FSTL5: variants seen among roughly 807,000 people sequenced by gnomAD.
FSTL5 encodes follistatin like 5.
A neutral mutation model predicts 89.1 loss-of-function variants in FSTL5; 62 were observed. The observed-to-expected ratio is 0.70, with a 90% confidence interval of 0.57 to 0.86. The LOEUF is 0.86. Among genes scored for constraint, FSTL5 ranks in the 40% least tolerant of loss-of-function variants. The pLI is 0.00. For missense variants in FSTL5, 1,057 were observed against 1,001.6 expected (o/e 1.06, Z -0.75); for synonymous variants, 383 against 346.2 (o/e 1.11, Z -1.18).
chr4:161,386,523 G>A, intron 15 of FSTL5, 74 bp from the exon 16 acceptor site: 5 of 1,015,842 alleles, frequency 4.9e-6, no homozygotes, highest in Non-Finnish European at 7.2e-6. Flanking sequence ...CTAGATACAG[G>A]TGGAAAGGTC....
At chr4:161,445,779 T>C (rs986086245) in intron 15 of FSTL5, among the ~76,000 whole-genome samples, 6 of 152,112 alleles carry the variant, frequency 3.9e-5, no homozygotes, top group African/African-American at 1.4e-4. Flanking sequence ...AGGCTCAATG[T>C]CATCCTTTTC....
At chr4:161,397,045 A>T (rs1731030288) in intron 15 of FSTL5, among the ~76,000 whole-genome samples, 1 of 152,186 alleles carries the variant, frequency 6.6e-6, no homozygotes, top group Non-Finnish European at 1.5e-5. Context: ...AAGTGTAGAA[A>T]CTGTGCAGGT....
At chr4:161,892,560 T>A (rs376279322) in intron 4 of FSTL5, among the ~76,000 whole-genome samples, 2 of 152,054 alleles carry the variant, frequency 1.3e-5, no homozygotes, top group African/African-American at 4.8e-5. Flanking sequence ...TTCAAATAAA[T>A]GTTGACTGTA....
intron 3 of FSTL5, among the ~76,000 whole-genome samples, chr4:161,953,102 T>C (rs1734941216): frequency 2.0e-5 from 3 of 151,748 alleles, no homozygotes; most frequent in Non-Finnish European, 3.0e-5. Flanking sequence ...ATTATTTTAG[T>C]TCTTTTTCTC....
At chr4:162,122,654 T>G (rs573057315) in intron 1 of FSTL5, among the ~76,000 whole-genome samples, 110 of 152,204 alleles carry the variant, frequency 7.2e-4, no homozygotes, top group Admixed American at 2.5e-3. Context: ...TAATATAAGC[T>G]GAAAGTTAAG....
intron 4 of FSTL5, among the ~76,000 whole-genome samples, chr4:161,890,411 C>T (rs1407647765): frequency 1.3e-5 from 2 of 152,072 alleles, no homozygotes; most frequent in African/African-American, 2.4e-5. Context: ...TATCTGTTCT[C>T]GAGCACGGTG....
At chr4:162,150,627 A>T (rs1733189642) in intron 1 of FSTL5, among the ~76,000 whole-genome samples, 1 of 152,198 alleles carries the variant, frequency 6.6e-6, no homozygotes, top group Admixed American at 6.5e-5. Flanking sequence ...AATGTAAATA[A>T]AAATCCAGAG....
chr4:161,574,934 A>C (rs1375164845), intron 8 of FSTL5, among the ~76,000 whole-genome samples: 1 of 152,200 alleles, frequency 6.6e-6, no homozygotes, highest in East Asian at 1.9e-4. Flanking sequence ...GTCTTCCACA[A>C]TGGTCGAACA....
intron 2 of FSTL5, among the ~76,000 whole-genome samples, chr4:162,052,357 A>G (rs780917978): frequency 1.8e-4 from 27 of 151,752 alleles, no homozygotes; most frequent in Non-Finnish European, 3.5e-4. Context: ...ATGCTTTTGT[A>G]GATGATTTCA....
At chr4:161,890,412 G>A (rs1452778200) in intron 4 of FSTL5, among the ~76,000 whole-genome samples, 5 of 152,034 alleles carry the variant, frequency 3.3e-5, no homozygotes, top group East Asian at 1.9e-4. Flanking sequence ...ATCTGTTCTC[G>A]AGCACGGTGG....
intron 3 of FSTL5, among the ~76,000 whole-genome samples, chr4:161,968,175 C>T (rs1251197452): frequency 6.6e-6 from 1 of 151,918 alleles, no homozygotes; most frequent in African/African-American, 2.4e-5. Flanking sequence ...ATCTGTAAAA[C>T]ATATTGTTCT....
At chr4:161,753,974 G>A (rs1310829321) in intron 6 of FSTL5, among the ~76,000 whole-genome samples, 2 of 142,414 alleles carry the variant, frequency 1.4e-5, no homozygotes, top group South Asian at 4.4e-4. Context: ...CCCGGGAGGC[G>A]GAGCTTGCAG....
rs963676591 is a variant in FSTL5 at position 161,543,762 on chromosome 4, T to G, written c.1016-1069A>C. Among the ~76,000 whole-genome samples the G allele has an allele frequency of 4.9e-4, 75 of 151,894 alleles. 2 individuals carry two copies. The stretch of plus-strand genomic sequence containing the variant: ...ACCATAAGCAAAATTGAATTCAAAA[T>G]AAATCAAAGACTTAAATGTAGGAGC... On this transcript the variant is annotated intron_variant, in intron 8 of 15. Transcript: ENST00000306100.
chr4:161,927,943 C>A (rs765967323), intron 3 of FSTL5, among the ~76,000 whole-genome samples: 4 of 151,598 alleles, frequency 2.6e-5, no homozygotes, highest in Non-Finnish European at 5.9e-5. Flanking sequence ...AACACACAAC[C>A]TTCCCCACCA....
chr4:161,589,674 C>G (rs1048153543), intron 7 of FSTL5, among the ~76,000 whole-genome samples: 2 of 152,026 alleles, frequency 1.3e-5, no homozygotes, highest in Non-Finnish European at 2.9e-5. Context: ...TTACAACTTT[C>G]TGCAACAGAG....
intron 2 of FSTL5, among the ~76,000 whole-genome samples, chr4:162,044,881 T>C (rs1407018196): frequency 6.6e-6 from 1 of 152,156 alleles, no homozygotes; most frequent in East Asian, 1.9e-4. Context: ...CTTCACAGAA[T>C]TGAAAAGAGT....
At chr4:162,117,938 ATTTG>A (rs1181060674) in intron 1 of FSTL5, among the ~76,000 whole-genome samples, 4 of 152,216 alleles carry the variant, frequency 2.6e-5, no homozygotes, top group Admixed American at 1.3e-4. Context: ...AATTGAAAAT[ATTTG>A]TTTGAATTGA....
At chr4:161,800,551 G>A (rs1729759335) in intron 4 of FSTL5, among the ~76,000 whole-genome samples, 1 of 151,608 alleles carries the variant, frequency 6.6e-6, no homozygotes, top group East Asian at 1.9e-4. Flanking sequence ...ACCTCCTTTT[G>A]TTCTCAATTG....
At chr4:161,635,179 G>A (rs568634777) in intron 7 of FSTL5, among the ~76,000 whole-genome samples, 1 of 152,156 alleles carries the variant, frequency 6.6e-6, no homozygotes, top group East Asian at 1.9e-4. Context: ...ACAAGGTCAG[G>A]AGTTCAAGAC....
Sources: allele counts gnomAD v4.1 joint callset (sites outside exome capture counted in the v4.1 genomes callset), GRCh38; gene constraint gnomAD v4.1.1; transcripts MANE v1.5; gene names NCBI Gene and HGNC (gene_info 2026-07-23, HGNC 2026-07-21).